TNR: variants seen among roughly 807,000 people sequenced by gnomAD.
TNR encodes the protein tenascin R.
A neutral mutation model predicts 150.4 loss-of-function variants in TNR; 45 were observed. The observed-to-expected ratio is 0.30, with a 90% CI of 0.24 to 0.38. The LOEUF (loss-of-function observed/expected upper bound fraction) is 0.38. Among genes scored for constraint, TNR ranks in the 10% least tolerant of loss-of-function variants. TNR has a pLI of 1.00. For synonymous variants in TNR, 687 were observed against 678.4 expected, an observed-to-expected ratio of 1.01 and a Z score of -0.20; for missense variants, 1,544 against 1,759.1, an observed-to-expected ratio of 0.88 and a Z score of 2.19.
intron 1 of TNR, among the ~76,000 whole-genome samples, chr1:175,532,450 C>A (rs554827938): frequency 3.9e-5 from 6 of 152,188 alleles, no homozygotes; most frequent in Non-Finnish European, 8.8e-5. Flanking sequence ...CAGACTCCTA[C>A]TTTCAGGCAT....
chr1:175,645,937 T>TG (rs59275615), intron 1 of TNR, among the ~76,000 whole-genome samples: 8,275 of 152,244 alleles, frequency 0.054, 551 homozygotes, highest in African/African-American at 0.16. Context: ...GCCGGTATTT[T>TG]TTACAAAAGT....
intron 1 of TNR, among the ~76,000 whole-genome samples, chr1:175,707,055 G>A (rs1666863546): frequency 6.6e-6 from 1 of 152,172 alleles, no homozygotes; most frequent in Non-Finnish European, 1.5e-5. Context: ...AAATTGGAGT[G>A]ATGACTCCTA....
chr1:175,327,405 A>G (rs1178788469), intron 21 of TNR, among the ~76,000 whole-genome samples: 2 of 152,162 alleles, frequency 1.3e-5, no homozygotes, highest in African/African-American at 2.4e-5. Flanking sequence ...ATTGTCTCCT[A>G]TTAGGTCTGA....
At chr1:175,596,330 C>G (rs892705849) in intron 1 of TNR, among the ~76,000 whole-genome samples, 5 of 152,082 alleles carry the variant, frequency 3.3e-5, no homozygotes, top group Admixed American at 2.0e-4. Flanking sequence ...TCCCCCCACC[C>G]GTCGTTCACC....
intron 1 of TNR, among the ~76,000 whole-genome samples, chr1:175,537,646 A>T (rs1482844323): frequency 6.6e-6 from 1 of 152,236 alleles, no homozygotes; most frequent in Non-Finnish European, 1.5e-5. Context: ...TGCTAGAATG[A>T]TAAAAGCTTG....
At chr1:175,656,320 G>C (rs1311336803) in intron 1 of TNR, among the ~76,000 whole-genome samples, 1 of 152,238 alleles carries the variant, frequency 6.6e-6, no homozygotes, top group South Asian at 2.1e-4. Flanking sequence ...GGTCACGCAG[G>C]AGAACCTCTG....
Position 175,323,273 on chromosome 1 carries a change from T to C in TNR, c.*84A>G, listed in dbSNP as rs1048852671. On this transcript the variant is annotated 3_prime_UTR_variant, in exon 23 of 23. Coordinates refer to ENST00000367674, the MANE Select transcript of TNR (RefSeq NM_003285.3). Reference sequence around the variant, plus strand: ...ACTCTTAATATGTTGCAAAACACATTGCTATTACCCTCCCCCCTTGTTTCA... The same window carrying C: ...ACTCTTAATATGTTGCAAAACACATCGCTATTACCCTCCCCCCTTGTTTCA... The C allele has an allele frequency of 1.3e-6, 2 of 1,549,440 alleles. No individual in the cohort carries two copies. Among genetic ancestry groups the C allele is most frequent in the Admixed American group, 3.7e-5 (2 of 54,766 alleles).
chr1:175,559,150 A>G (rs1004719228), intron 1 of TNR, among the ~76,000 whole-genome samples: 1 of 152,204 alleles, frequency 6.6e-6, no homozygotes, highest in Non-Finnish European at 1.5e-5. Flanking sequence ...AAATTCTTCT[A>G]TGGGGAATGA....
intron 2 of TNR, among the ~76,000 whole-genome samples, chr1:175,420,529 G>T (rs922153101): frequency 4.6e-5 from 7 of 152,204 alleles, no homozygotes; most frequent in African/African-American, 1.7e-4. Context: ...TCATGCTGTA[G>T]CAGAGAAGAA....
At chr1:175,553,144 C>T (rs1243989278) in intron 1 of TNR, among the ~76,000 whole-genome samples, 1 of 152,140 alleles carries the variant, frequency 6.6e-6, no homozygotes, top group Non-Finnish European at 1.5e-5. Flanking sequence ...CTCAAGCACA[C>T]ACTAAGTTTG....
chr1:175,346,014 A>T (rs1431671469), intron 18 of TNR, among the ~76,000 whole-genome samples: 1 of 152,222 alleles, frequency 6.6e-6, no homozygotes, highest in Non-Finnish European at 1.5e-5. Context: ...TTGAGAAGAT[A>T]ATGGAATAGT....
At chr1:175,698,752 T>G (rs1016124724) in intron 1 of TNR, among the ~76,000 whole-genome samples, 2 of 151,954 alleles carry the variant, frequency 1.3e-5, no homozygotes, top group Admixed American at 1.3e-4. Context: ...GGGGAATCGC[T>G]TGGACCTGGG....
chr1:175,670,373 C>T (rs754846199), intron 1 of TNR, among the ~76,000 whole-genome samples: 4 of 152,064 alleles, frequency 2.6e-5, no homozygotes, highest in Non-Finnish European at 5.9e-5. Context: ...CCACAGCATC[C>T]CTCAGAAGAG....
intron 18 of TNR, among the ~76,000 whole-genome samples, chr1:175,343,172 A>G (rs2282731): frequency 0.056 from 8,601 of 152,246 alleles, 286 homozygotes; most frequent in Middle Eastern, 0.2. Context: ...CTTTATTGCA[A>G]TTAGAATAAA....
chr1:175,486,499 C>T (rs1658023120), intron 2 of TNR, among the ~76,000 whole-genome samples: 1 of 152,156 alleles, frequency 6.6e-6, no homozygotes, highest in Non-Finnish European at 1.5e-5. Context: ...TGTATATGTG[C>T]CACATTTTCT....
intron 2 of TNR, among the ~76,000 whole-genome samples, chr1:175,477,481 A>G (rs1185270697): frequency 1.3e-5 from 2 of 152,104 alleles, no homozygotes; most frequent in Non-Finnish European, 2.9e-5. Context: ...GCCATTAACC[A>G]ATTTCTTGTC....
intron 1 of TNR, among the ~76,000 whole-genome samples, chr1:175,558,528 C>G (rs1473958918): frequency 1.3e-5 from 2 of 152,184 alleles, no homozygotes; most frequent in Admixed American, 6.5e-5. Flanking sequence ...TAACCCAACT[C>G]TAACTCAAAG....
chr1:175,386,817 C>T (rs1182875812), intron 7 of TNR, among the ~76,000 whole-genome samples: 1 of 152,222 alleles, frequency 6.6e-6, no homozygotes, highest in Non-Finnish European at 1.5e-5. Flanking sequence ...GCACAGTCAA[C>T]ACAGTTGCTA....
At chr1:175,464,957 C>T (rs1656967766) in intron 2 of TNR, among the ~76,000 whole-genome samples, 1 of 152,102 alleles carries the variant, frequency 6.6e-6, no homozygotes, top group South Asian at 2.1e-4. Context: ...TTCACAGGCA[C>T]TCATCCTGCC....
Sources: gnomAD v4.1 joint callset for allele counts (sites outside exome capture counted in the v4.1 genomes callset) on GRCh38, gnomAD v4.1.1 for gene constraint, MANE v1.5 for transcripts, NCBI Gene and HGNC (gene_info 2026-07-23, HGNC 2026-07-21) for gene names.